The following MACC1 variants were observed in gnomAD, a reference collection of about 807,000 sequenced individuals.
The protein encoded by MACC1 is MET transcriptional regulator MACC1.
MACC1 carries 79 observed loss-of-function variants against 70.7 expected under a neutral mutation model. The ratio of observed to expected loss-of-function variants is 1.12; its 90% confidence interval spans 0.93 to 1.35. The LOEUF is 1.35. Among genes scored for constraint, MACC1 ranks in the 40% most tolerant of loss-of-function variants. MACC1 has a pLI of 0.00. For missense variants in MACC1, 1,106 were observed against 978.1 expected, an observed-to-expected ratio of 1.13 and a Z score of -1.74; for synonymous variants, 361 against 347.2, an observed-to-expected ratio of 1.04 and a Z score of -0.44.
intron 6 of MACC1, among the ~76,000 whole-genome samples, chr7:20,145,390 T>C (rs1434511752): frequency 6.6e-6 from 1 of 152,020 alleles, no homozygotes; most frequent in South Asian, 2.1e-4. Flanking sequence ...ACCAAACAAA[T>C]GGGTCACATC....
At chr7:20,196,311 G>A (rs1328595738) in intron 1 of MACC1, among the ~76,000 whole-genome samples, 1 of 152,100 alleles carries the variant, frequency 6.6e-6, no homozygotes, top group Non-Finnish European at 1.5e-5. Flanking sequence ...CTCCAGAGTA[G>A]CTGGGACTAC....
chr7:20,182,688 A>C (rs1782528756), intron 1 of MACC1, among the ~76,000 whole-genome samples: 1 of 152,094 alleles, frequency 6.6e-6, no homozygotes, highest in African/African-American at 2.4e-5. Flanking sequence ...TCTGTTTGTA[A>C]GTTTCCCCCA....
intron 1 of MACC1, among the ~76,000 whole-genome samples, chr7:20,212,344 G>A (rs1783011103): frequency 6.6e-6 from 1 of 152,116 alleles, no homozygotes; most frequent in African/African-American, 2.4e-5. Context: ...TGTCTGTTCT[G>A]GCTGGAGATG....
intron 2 of MACC1, among the ~76,000 whole-genome samples, chr7:20,165,500 A>G: frequency 6.7e-6 from 1 of 149,084 alleles, no homozygotes; most frequent in Non-Finnish European, 1.5e-5. Context: ...CTAAATCTAA[A>G]TTTTTTTCTA....
At chr7:20,187,947 G>C in intron 1 of MACC1, among the ~76,000 whole-genome samples, 1 of 152,202 alleles carries the variant, frequency 6.6e-6, no homozygotes, top group East Asian at 1.9e-4. Context: ...ATAAAGGAAA[G>C]AGGTTTAATT....
intron 1 of MACC1, among the ~76,000 whole-genome samples, chr7:20,205,395 C>T (rs1431851803): frequency 2.0e-5 from 3 of 152,136 alleles, no homozygotes; most frequent in Admixed American, 2.0e-4. Flanking sequence ...TTAGGAAAAG[C>T]CCAGATGCTA....
intron 6 of MACC1, among the ~76,000 whole-genome samples, chr7:20,145,553 T>A (rs1350303767): frequency 2.6e-5 from 4 of 151,816 alleles, no homozygotes; most frequent in Non-Finnish European, 4.4e-5. Flanking sequence ...GAAAAAAAAT[T>A]TTTAAAGTAA....
At chr7:20,154,445 G>A in intron 5 of MACC1, 64 bp from the exon 6 acceptor site, 1 of 1,476,840 alleles carries the variant, frequency 6.8e-7, no homozygotes, top group Non-Finnish European at 9.1e-7. Context: ...TCTATAAATT[G>A]GAATTTTTAT....
intron 1 of MACC1, among the ~76,000 whole-genome samples, chr7:20,195,793 C>T (rs1782742865): frequency 6.6e-6 from 1 of 152,138 alleles, no homozygotes; most frequent in African/African-American, 2.4e-5. Flanking sequence ...GCTTCTTTAG[C>T]TGCTAGAAAA....
intron 1 of MACC1, among the ~76,000 whole-genome samples, chr7:20,185,729 C>A (rs1460730311): frequency 1.3e-5 from 2 of 152,148 alleles, no homozygotes; most frequent in African/African-American, 4.8e-5. Flanking sequence ...TCTTCAGAAA[C>A]TTACAATAGC....
chr7:20,159,583 T>A lies in MACC1; in HGVS notation c.778A>T (p.Met260Leu), dbSNP rs1214857109. The change falls in exon 5 of 7, where the codon ATG becomes TTG. Residue 260 changes from methionine to leucine, a missense_variant. Physicochemically the swap from Met to Leu is conservative, Grantham distance 15. Coordinates refer to ENST00000400331, the MANE Select transcript of MACC1 (RefSeq NM_182762.4). ...SLRAFLDPPH[M>L]LNHDLSCTVS... ...GTGCACGAAAGATCATGGTTAAGCA[T>A]GTGTGGCGGATCAAGGAAAGCCCTT... is the stretch of plus-strand genomic sequence containing the variant. 2 of 1,614,068 alleles carry A rather than the reference T, an allele frequency of 1.2e-6. No homozygotes were observed. The highest frequency in any genetic ancestry group is 2.2e-5 in the East Asian group (1 of 44,876).
rs762493751 is a variant in MACC1 at position 20,140,901 on chromosome 7, AC to A, written c.*44del. On this transcript the variant is annotated 3_prime_UTR_variant, in exon 7 of 7. Transcript: ENST00000400331. Reference sequence around the variant, plus strand: ...CACACACAGACACACACACACACACACCATTACCTCATTTTCCCTCCCATCA... The same window carrying A: ...CACACACAGACACACACACACACACACATTACCTCATTTTCCCTCCCATCA... The A allele has an allele frequency of 2.1e-6, 3 of 1,452,414 alleles. No homozygotes were observed. The highest frequency in any genetic ancestry group is 2.3e-5 in the East Asian group (1 of 43,960). The allele number at this position is 1,452,414 out of a possible 1,614,324, so 90.0% of individuals were successfully genotyped here.
intron 1 of MACC1, among the ~76,000 whole-genome samples, chr7:20,207,171 T>G (rs1165804642): frequency 6.6e-6 from 1 of 152,024 alleles, no homozygotes; most frequent in African/African-American, 2.4e-5. Context: ...GACAGAGTCT[T>G]GCTGTGTCAC....
intron 1 of MACC1, among the ~76,000 whole-genome samples, chr7:20,173,816 G>A (rs1202338823): frequency 6.6e-6 from 1 of 152,164 alleles, no homozygotes; most frequent in Non-Finnish European, 1.5e-5. Flanking sequence ...GGGTCACTGA[G>A]ATTGATGCTC....
At chr7:20,185,649 T>G (rs934510248) in intron 1 of MACC1, among the ~76,000 whole-genome samples, 41 of 151,932 alleles carry the variant, frequency 2.7e-4, no homozygotes, top group African/African-American at 9.9e-4. Context: ...TATGAGAAAA[T>G]AAAGAAATTG....
At chr7:20,212,058 A>G (rs965261230) in intron 1 of MACC1, among the ~76,000 whole-genome samples, 1 of 152,252 alleles carries the variant, frequency 6.6e-6, no homozygotes, top group East Asian at 1.9e-4. Flanking sequence ...CATTTAAAAA[A>G]GAAAAGAATA....
rs1782107968 is a variant in MACC1 at position 20,159,442 on chromosome 7, C to A, written c.919G>T (p.Glu307Ter). The A allele has an allele frequency of 6.2e-7, 1 of 1,614,050 alleles. No individual in the cohort carries two copies. ...CCCAAGCTGTGTAAACACACCATTT[C>A]TGTCATGACTTGGCTGAAAGGATCC... Reference protein sequence around the residue: ...RKDPFSQVMTEMVCLHSLGKE... With the variant: ...RKDPFSQVMT The change falls in exon 5 of 7, where the codon GAA becomes TAA. Residue 307 changes from glutamate to a stop codon, truncating the protein, a stop_gained. Transcript: ENST00000400331. LOFTEE classifies it high-confidence loss of function.
chr7:20,171,444 C>T (rs186853044), intron 1 of MACC1, among the ~76,000 whole-genome samples: 98 of 150,806 alleles, frequency 6.5e-4, no homozygotes, highest in African/African-American at 2.3e-3. Flanking sequence ...TTAGTAGAGA[C>T]GGAATTTCAC....
chr7:20,191,786 C>A (rs534893074), intron 1 of MACC1, among the ~76,000 whole-genome samples: 2 of 152,198 alleles, frequency 1.3e-5, no homozygotes, highest in East Asian at 3.9e-4. Flanking sequence ...GTAATCTGTG[C>A]GGTATCAGAA....
Sources: allele counts gnomAD v4.1 joint callset (sites outside exome capture counted in the v4.1 genomes callset), GRCh38; gene constraint gnomAD v4.1.1; transcripts MANE v1.5; gene names NCBI Gene and HGNC (gene_info 2026-07-23, HGNC 2026-07-21).